PSMD1: variants seen among roughly 807,000 people sequenced by gnomAD.
PSMD1 encodes 26S proteasome non-ATPase regulatory subunit 1.
In PSMD1, 18 loss-of-function variants were observed where a neutral mutation model predicts 119.0. The observed-to-expected ratio is 0.15, with a 90% CI of 0.10 to 0.22. The LOEUF is 0.22. Among genes scored for constraint, PSMD1 ranks in the 10% least tolerant of loss-of-function variants. PSMD1 has a pLI of 1.00. For synonymous variants in PSMD1, 374 were observed against 396.6 expected, an observed-to-expected ratio of 0.94 and a Z score of 0.68; for missense variants, 702 against 1,158.5, an observed-to-expected ratio of 0.61 and a Z score of 5.72.
At chr2:231,154,638 T>C (rs1018345082) in intron 19 of PSMD1, among the ~76,000 whole-genome samples, 8 of 152,128 alleles carry the variant, frequency 5.3e-5, no homozygotes, top group African/African-American at 1.9e-4. Context: ...CAACTAATTG[T>C]TTAAACTTCT....
At chr2:231,104,655 T>A (rs1407154931) in intron 16 of PSMD1, among the ~76,000 whole-genome samples, 2 of 152,132 alleles carry the variant, frequency 1.3e-5, no homozygotes, top group African/African-American at 4.8e-5. Flanking sequence ...AATTCCAAAA[T>A]GTTTAATAAA....
At chr2:231,154,613 A>G (rs182446832) in intron 19 of PSMD1, among the ~76,000 whole-genome samples, 1 of 152,304 alleles carries the variant, frequency 6.6e-6, no homozygotes, top group African/African-American at 2.4e-5. Flanking sequence ...GACTACAAGC[A>G]TATGTCACCA....
chr2:231,075,389 A>G, intron 7 of PSMD1, 122 bp from the exon 8 acceptor site: 2 of 772,232 alleles, frequency 2.6e-6, no homozygotes, highest in Non-Finnish European at 4.0e-6. Context: ...TTATTTCTTA[A>G]TGGTAATACT....
chr2:231,149,042 A>G (rs945430837), intron 18 of PSMD1, among the ~76,000 whole-genome samples: 2 of 152,248 alleles, frequency 1.3e-5, no homozygotes, highest in African/African-American at 4.8e-5. Flanking sequence ...CAAAAGAGAA[A>G]TTTCTCAGGT....
intron 19 of PSMD1, 63 bp from the exon 20 acceptor site, chr2:231,161,277 A>G: frequency 7.4e-7 from 1 of 1,346,398 alleles, no homozygotes; most frequent in Non-Finnish European, 1.0e-6. Context: ...TATCGTTATT[A>G]TTGTCCTACT....
intron 16 of PSMD1, among the ~76,000 whole-genome samples, chr2:231,131,883 G>A (rs1695863536): frequency 6.6e-6 from 1 of 151,574 alleles, no homozygotes; most frequent in African/African-American, 2.4e-5. Context: ...AAGATTGAAT[G>A]TCTAAACTAA....
At chr2:231,127,048 T>A (rs1274333351) in intron 16 of PSMD1, among the ~76,000 whole-genome samples, 2 of 151,908 alleles carry the variant, frequency 1.3e-5, no homozygotes, top group Admixed American at 6.6e-5. Context: ...CGCACAGACG[T>A]ATACACACAC....
At chr2:231,103,540 C>T (rs538224642) in intron 16 of PSMD1, among the ~76,000 whole-genome samples, 130 of 152,322 alleles carry the variant, frequency 8.5e-4, no homozygotes, top group African/African-American at 2.9e-3. Context: ...GCCACAGACT[C>T]CACACTTTGA....
At chr2:231,060,187 A>C (rs1004062685) in intron 1 of PSMD1, among the ~76,000 whole-genome samples, 1 of 152,334 alleles carries the variant, frequency 6.6e-6, no homozygotes, top group South Asian at 2.1e-4. Flanking sequence ...TGTGCTGTCC[A>C]TTCAGAATCT....
intron 19 of PSMD1, among the ~76,000 whole-genome samples, chr2:231,156,644 G>T (rs1696513419): frequency 6.6e-6 from 1 of 151,892 alleles, no homozygotes; most frequent in Admixed American, 6.6e-5. Flanking sequence ...AATCTGTAGT[G>T]ATATCCCCTT....
At chr2:231,157,258 A>G (rs1354618548) in intron 19 of PSMD1, among the ~76,000 whole-genome samples, 29 of 151,814 alleles carry the variant, frequency 1.9e-4, no homozygotes, top group Non-Finnish European at 1.0e-4. Context: ...GCAAGGAGCA[A>G]TACAAAAAAA....
intron 16 of PSMD1, among the ~76,000 whole-genome samples, chr2:231,112,217 C>A (rs1158416180): frequency 2.0e-5 from 3 of 152,196 alleles, no homozygotes. Flanking sequence ...AAATGTGAGT[C>A]ATCTGGCATA....
intron 16 of PSMD1, among the ~76,000 whole-genome samples, chr2:231,135,133 C>T (rs1019640385): frequency 5.3e-5 from 8 of 152,002 alleles, no homozygotes; most frequent in African/African-American, 1.4e-4. Flanking sequence ...TATCAAATTA[C>T]GGAAAGAGCT....
At chr2:231,143,140 A>AT (rs202234095) in intron 17 of PSMD1, among the ~76,000 whole-genome samples, 5,672 of 146,674 alleles carry the variant, frequency 0.039, 130 homozygotes, top group East Asian at 0.11. Context: ...GTTGTTTTGT[A>AT]TTTTTTTTTT....
chr2:231,130,936 G>A (rs908836743), intron 16 of PSMD1, among the ~76,000 whole-genome samples: 1 of 152,222 alleles, frequency 6.6e-6, no homozygotes, highest in South Asian at 2.1e-4. Context: ...GATTTAGGGA[G>A]TGTCAGAATT....
At chr2:231,145,801 G>T (rs1450053768) in intron 17 of PSMD1, among the ~76,000 whole-genome samples, 2 of 147,504 alleles carry the variant, frequency 1.4e-5, no homozygotes, top group East Asian at 4.0e-4. Context: ...GCTGAGTCAG[G>T]AGAATTTCTT....
At chr2:231,153,211 A>G (rs1696409567) in intron 18 of PSMD1, among the ~76,000 whole-genome samples, 1 of 152,244 alleles carries the variant, frequency 6.6e-6, no homozygotes, top group Non-Finnish European at 1.5e-5. Context: ...GGTGGTAAAC[A>G]GAATAGCTAT....
intron 16 of PSMD1, among the ~76,000 whole-genome samples, chr2:231,112,758 T>A (rs1224904205): frequency 6.6e-6 from 1 of 152,226 alleles, no homozygotes; most frequent in Non-Finnish European, 1.5e-5. Context: ...CTTTGAGTAT[T>A]ATAGATGAGT....
chr2:231,088,323 T>C (rs906844328), intron 16 of PSMD1, among the ~76,000 whole-genome samples: 1 of 152,210 alleles, frequency 6.6e-6, no homozygotes, highest in African/African-American at 2.4e-5. Context: ...CATCAGTGTT[T>C]CTCTTAGCTA....
Sources: gnomAD v4.1 joint callset for allele counts (sites outside exome capture counted in the v4.1 genomes callset) on GRCh38, gnomAD v4.1.1 for gene constraint, MANE v1.5 for transcripts, NCBI Gene and HGNC (gene_info 2026-07-23, HGNC 2026-07-21) for gene names.